ARHGAP24: variants seen among roughly 807,000 people sequenced by gnomAD.
ARHGAP24 encodes rho GTPase-activating protein 24.
ARHGAP24 carries 50 observed loss-of-function variants against 76.4 expected under a neutral mutation model. The observed-to-expected ratio is 0.65, with a 90% CI of 0.52 to 0.83. The LOEUF is 0.83. Among genes scored for constraint, ARHGAP24 ranks in the 40% least tolerant of loss-of-function variants. The pLI is 0.00. For synonymous variants in ARHGAP24, 345 were observed against 323.3 expected (o/e 1.07, Z -0.72); for missense variants, 930 against 914.2 (o/e 1.02, Z -0.22).
chr4:85,733,060 C>CTTTTTTTTTTTTTTTTTTATTTTTT lies in ARHGAP24; in HGVS notation c.268+11106_268+11107insATTTTTTTTTTTTTTTTTTTTTTTT, dbSNP rs1725471792. Among the ~76,000 whole-genome samples, 2 of 55,206 alleles carry CTTTTTTTTTTTTTTTTTTATTTTTT rather than the reference C, an allele frequency of 3.6e-5. 1 individual carries two copies. Among genetic ancestry groups the CTTTTTTTTTTTTTTTTTTATTTTTT allele is most frequent in the Non-Finnish European group, 6.4e-5 (2 of 31,298 alleles). 36.2% of individuals were successfully genotyped at this position (55,206 alleles called of 152,430 possible). On this transcript the variant is annotated intron_variant, in intron 3 of 9. Transcript: ENST00000395184. ...CTATAGATCTTATAGGCCTCACCAA[C>CTTTTTTTTTTTTTTTTTTATTTTTT]TTTTTTTTTTTTTTTTTTTTTGAGA... is the stretch of plus-strand genomic sequence containing the variant.
At chr4:85,756,785 T>C (rs1291032451) in intron 3 of ARHGAP24, among the ~76,000 whole-genome samples, 9 of 152,270 alleles carry the variant, frequency 5.9e-5, no homozygotes, top group African/African-American at 2.2e-4. Flanking sequence ...TGCTGACCCC[T>C]GGGGCTCAGG....
At chr4:85,481,567 A>G (rs563076300) in intron 1 of ARHGAP24, among the ~76,000 whole-genome samples, 1 of 152,312 alleles carries the variant, frequency 6.6e-6, no homozygotes, top group East Asian at 1.9e-4. Flanking sequence ...CATCTACCAT[A>G]GGCCAGTAAC....
chr4:85,778,747 A>G, intron 3 of ARHGAP24: 2 of 985,420 alleles, frequency 2.0e-6, no homozygotes, highest in Non-Finnish European at 2.4e-6. Flanking sequence ...GAGGAGAAAG[A>G]AAATTAGCTA....
At chr4:85,809,955 T>C (rs1009345723) in intron 3 of ARHGAP24, among the ~76,000 whole-genome samples, 4 of 152,330 alleles carry the variant, frequency 2.6e-5, no homozygotes, top group Admixed American at 6.5e-5. Flanking sequence ...AGCATGTAAT[T>C]GAGGGCAAGT....
intron 3 of ARHGAP24, among the ~76,000 whole-genome samples, chr4:85,846,812 A>G (rs189268054): frequency 4.6e-5 from 7 of 152,370 alleles, no homozygotes; most frequent in Admixed American, 2.6e-4. Context: ...GTTAAATAGT[A>G]TGTTACCCTT....
chr4:85,963,190 G>A (rs1738365624), intron 5 of ARHGAP24, among the ~76,000 whole-genome samples: 1 of 151,896 alleles, frequency 6.6e-6, no homozygotes, highest in South Asian at 2.1e-4. Context: ...AAGTCTTTGT[G>A]GGCTCATTGA....
chr4:85,964,228 T>G (rs764350804), intron 5 of ARHGAP24, among the ~76,000 whole-genome samples: 1 of 152,078 alleles, frequency 6.6e-6, no homozygotes, highest in Admixed American at 6.6e-5. Flanking sequence ...CTGGGGACAG[T>G]CAAATTTAGT....
intron 1 of ARHGAP24, among the ~76,000 whole-genome samples, chr4:85,510,404 C>T (rs1724229941): frequency 6.6e-6 from 1 of 151,612 alleles, no homozygotes; most frequent in African/African-American, 2.4e-5. Context: ...CCTAATGTAC[C>T]ACTCCCCTTT....
chr4:85,868,256 G>A (rs1244677793), intron 3 of ARHGAP24, among the ~76,000 whole-genome samples: 1 of 152,068 alleles, frequency 6.6e-6, no homozygotes, highest in Non-Finnish European at 1.5e-5. Flanking sequence ...AGGAGTGTCT[G>A]GGTTAAGGTA....
At chr4:85,849,837 G>C (rs1731116570) in intron 3 of ARHGAP24, among the ~76,000 whole-genome samples, 1 of 152,096 alleles carries the variant, frequency 6.6e-6, no homozygotes, top group African/African-American at 2.4e-5. Flanking sequence ...ATGTGCTGCT[G>C]GATTCGGTTT....
At chr4:85,801,778 C>A (rs547228234) in intron 3 of ARHGAP24, among the ~76,000 whole-genome samples, 1 of 152,358 alleles carries the variant, frequency 6.6e-6, no homozygotes, top group South Asian at 2.1e-4. Flanking sequence ...GGCATTCCTT[C>A]CCTGGCAATA....
chr4:85,583,154 T>G (rs1727687157), intron 2 of ARHGAP24, among the ~76,000 whole-genome samples: 1 of 152,204 alleles, frequency 6.6e-6, no homozygotes, highest in Non-Finnish European at 1.5e-5. Flanking sequence ...CAAGTTTTCT[T>G]GTCTAGTGTA....
At chr4:85,683,116 G>GT (rs1723278014) in intron 2 of ARHGAP24, among the ~76,000 whole-genome samples, 1 of 90,844 alleles carries the variant, frequency 1.1e-5, no homozygotes, top group Non-Finnish European at 2.1e-5. Context: ...GTGTGGGGGG[G>GT]TGGGGGGGGG....
rs1414543972 is a variant in ARHGAP24, at chr4:85,942,241, C to G, written c.567C>G (p.Ala189=). 1 of 1,614,054 alleles carries G rather than the reference C, an allele frequency of 6.2e-7. No individual in the cohort carries two copies. The highest frequency in any genetic ancestry group is 1.7e-5 in the Admixed American group (1 of 60,012). The stretch of plus-strand genomic sequence containing the variant: ...ATCTTGTTAAGGAGCTCCAAGATGC[C>G]TTTGACTGTGGGGAGAAGCCATCAT... ...QANLVKELQD[A]FDCGEKPSFD... The change falls in exon 5 of 10, where the codon GCC becomes GCG. Residue 189 remains alanine, a synonymous_variant. Coordinates refer to ENST00000395184, the MANE Select transcript of ARHGAP24 (RefSeq NM_001025616.3).
At chr4:85,493,406 A>C (rs1289041000) in intron 1 of ARHGAP24, among the ~76,000 whole-genome samples, 2 of 152,172 alleles carry the variant, frequency 1.3e-5, no homozygotes, top group African/African-American at 2.4e-5. Flanking sequence ...TATTAGTTAA[A>C]ATTCTTCTAC....
chr4:85,704,415 C>A (rs533137833), intron 2 of ARHGAP24, among the ~76,000 whole-genome samples: 3 of 151,972 alleles, frequency 2.0e-5, no homozygotes, highest in Non-Finnish European at 2.9e-5. Flanking sequence ...AATTTATTGA[C>A]CACCATGAGA....
intron 2 of ARHGAP24, among the ~76,000 whole-genome samples, chr4:85,637,511 A>G (rs1385934742): frequency 6.6e-6 from 1 of 152,110 alleles, no homozygotes; most frequent in Non-Finnish European, 1.5e-5. Flanking sequence ...TATGTTGCCA[A>G]TAGCCATACA....
At chr4:85,770,818 C>T (rs557270157) in intron 3 of ARHGAP24, among the ~76,000 whole-genome samples, 1 of 152,302 alleles carries the variant, frequency 6.6e-6, no homozygotes, top group Admixed American at 6.5e-5. Context: ...ACACTGTGCC[C>T]ATCCTCACCT....
At chr4:85,739,614 C>CTTTTTTTTT in intron 3 of ARHGAP24, among the ~76,000 whole-genome samples, 1 of 7,476 alleles carries the variant, frequency 1.3e-4, no homozygotes, top group African/African-American at 1.4e-4. Flanking sequence ...CACGTTCAAT[C>CTTTTTTTTT]TTTTTTTTTT....
Sources: allele counts gnomAD v4.1 joint callset (sites outside exome capture counted in the v4.1 genomes callset), GRCh38; gene constraint gnomAD v4.1.1; transcripts MANE v1.5; gene names NCBI Gene and HGNC (gene_info 2026-07-23, HGNC 2026-07-21).